Variants in CNKSR3 observed in about 807,000 individuals in gnomAD.
CNKSR3 encodes the protein CNKSR family member 3.
A neutral mutation model predicts 67.7 loss-of-function variants in CNKSR3; 36 were observed. The observed-to-expected ratio is 0.53, with a 90% CI of 0.41 to 0.70. The LOEUF (loss-of-function observed/expected upper bound fraction) is 0.70. CNKSR3 is among the 30% of genes least tolerant of loss of function. The pLI, the probability that CNKSR3 is intolerant of heterozygous loss-of-function variation, is 0.00. For missense variants in CNKSR3, 630 were observed against 695.2 expected, an observed-to-expected ratio of 0.91 and a Z score of 1.05; for synonymous variants, 281 against 271.4, an observed-to-expected ratio of 1.04 and a Z score of -0.35.
At chr6:154,489,145 C>T (rs928765366) in intron 1 of CNKSR3, among the ~76,000 whole-genome samples, 1 of 152,152 alleles carries the variant, frequency 6.6e-6, no homozygotes, top group African/African-American at 2.4e-5. Context: ...ACCCACATGG[C>T]TGCTTCTGGA....
intron 1 of CNKSR3, among the ~76,000 whole-genome samples, chr6:154,464,638 C>T (rs182350792): frequency 2.6e-5 from 4 of 151,496 alleles, no homozygotes; most frequent in South Asian, 4.2e-4. Context: ...ATCGCTTGAA[C>T]CCGAGAGGTG....
In CNKSR3 at chr6:154,411,069, C is replaced by CCAAGAA; in HGVS notation, c.1143_1144insTTCTTG (p.Ser381_Glu382insPheLeu). ...TGGTCCAAGAAGGAATTCGGGGACT[C>CCAAGAA]TGAACCCTTAGGACCAGGCAATGGT... On this transcript the variant is annotated inframe_insertion, in exon 11 of 13. Transcript: ENST00000607772. 6.2e-7 allele frequency: 1 copy of CCAAGAA among 1,614,104 alleles called. No individual in the cohort carries two copies. The highest frequency in any genetic ancestry group is 8.5e-7 in the Non-Finnish European group (1 of 1,179,994).
At chr6:154,413,743 C>T (rs547513232) in intron 10 of CNKSR3, among the ~76,000 whole-genome samples, 10 of 151,932 alleles carry the variant, frequency 6.6e-5, no homozygotes, top group Admixed American at 2.0e-4. Context: ...TAAGGTATTG[C>T]TATATCCTTT....
At chr6:154,503,218 T>C (rs1787033076) in intron 1 of CNKSR3, among the ~76,000 whole-genome samples, 1 of 152,176 alleles carries the variant, frequency 6.6e-6, no homozygotes, top group South Asian at 2.1e-4. Flanking sequence ...AAAGCCCATC[T>C]CATCCTCCTA....
chr6:154,502,080 T>A (rs954580329), intron 1 of CNKSR3, among the ~76,000 whole-genome samples: 16 of 152,168 alleles, frequency 1.1e-4, no homozygotes, highest in African/African-American at 3.4e-4. Flanking sequence ...TGATCATGAA[T>A]AATAAGTGGG....
chr6:154,477,158 C>T (rs1047972524), intron 1 of CNKSR3, among the ~76,000 whole-genome samples: 1 of 151,972 alleles, frequency 6.6e-6, no homozygotes. Flanking sequence ...TATTTCAAAG[C>T]ATTTCAAAAA....
chr6:154,491,191 G>C (rs1339903221), intron 1 of CNKSR3, among the ~76,000 whole-genome samples: 1 of 152,096 alleles, frequency 6.6e-6, no homozygotes, highest in Non-Finnish European at 1.5e-5. Flanking sequence ...GCCTTCTCTT[G>C]TGGCGCCCAT....
chr6:154,422,193 C>A (rs1785159705), intron 9 of CNKSR3, among the ~76,000 whole-genome samples: 1 of 151,996 alleles, frequency 6.6e-6, no homozygotes, highest in Non-Finnish European at 1.5e-5. Flanking sequence ...GGGGTTTCAC[C>A]GTGTTAGCCA....
rs538007696 is a variant in CNKSR3 at position 154,399,616 on chromosome 6, C to G, written c.*6738G>C. The stretch of plus-strand genomic sequence containing the variant: ...CCCAAAAGTCAAAGGCTTCTAAATT[C>G]GCGCTAATTCCTCAAATCCCTCCTC... On this transcript the variant is annotated 3_prime_UTR_variant, in exon 13 of 13. Transcript: ENST00000607772. The G allele has an allele frequency of 6.6e-6, 1 of 151,996 alleles. No individual in the cohort carries two copies. 9.4% of individuals were successfully genotyped at this position (151,996 alleles called of 1,614,324 possible).
intron 1 of CNKSR3, among the ~76,000 whole-genome samples, chr6:154,490,511 G>A (rs1218615507): frequency 6.6e-6 from 1 of 152,114 alleles, no homozygotes; most frequent in Non-Finnish European, 1.5e-5. Context: ...TATGTATAAT[G>A]TATCTATTAT....
intron 7 of CNKSR3, among the ~76,000 whole-genome samples, chr6:154,424,168 T>G (rs1785204774): frequency 6.6e-6 from 1 of 150,432 alleles, no homozygotes; most frequent in Non-Finnish European, 1.5e-5. Flanking sequence ...GGAGCGGAGC[T>G]TGCAGTGAGC....
At chr6:154,461,974 G>A in intron 1 of CNKSR3, among the ~76,000 whole-genome samples, 1 of 152,220 alleles carries the variant, frequency 6.6e-6, no homozygotes, top group Non-Finnish European at 1.5e-5. Flanking sequence ...ATACAAGGAG[G>A]CTGGAAAAGG....
rs1452389695 is a variant in CNKSR3 at position 154,441,285 on chromosome 6, T to C, written c.507+7A>G. On this transcript the variant is annotated splice_region_variant and intron_variant, in intron 4 of 12. Transcript: ENST00000607772. ...AAAAAAGAAAGTGAAAATGACATAC[T>C]ACTGACCTTCTGGACTGTAGTGGTC... 8.6e-7 allele frequency: 1 copy of C among 1,168,216 alleles called. No individual in the cohort carries two copies. The highest frequency in any genetic ancestry group is 1.3e-6 in the Non-Finnish European group (1 of 796,938). 72.4% of individuals were successfully genotyped at this position (1,168,216 alleles called of 1,614,324 possible).
At chr6:154,481,066 G>T (rs1303186649) in intron 1 of CNKSR3, among the ~76,000 whole-genome samples, 4 of 151,530 alleles carry the variant, frequency 2.6e-5, no homozygotes, top group African/African-American at 7.3e-5. Context: ...TATTTTATTT[G>T]ATAGCAGTCT....
chr6:154,485,234 T>C (rs565954462), intron 1 of CNKSR3, among the ~76,000 whole-genome samples: 3 of 152,326 alleles, frequency 2.0e-5, no homozygotes, highest in African/African-American at 7.2e-5. Context: ...CTAGGTATCT[T>C]ACAAATATCT....
chr6:154,407,879 A>AC (rs1784830138), intron 12 of CNKSR3, among the ~76,000 whole-genome samples: 1 of 150,726 alleles, frequency 6.6e-6, no homozygotes, highest in Non-Finnish European at 1.5e-5. Flanking sequence ...TTTGAAAAAA[A>AC]AAAAAAAAAA....
At chr6:154,414,449 C>G (rs775917172) in intron 9 of CNKSR3, 26 bp from the exon 10 acceptor site, 11 of 1,566,380 alleles carry the variant, frequency 7.0e-6, no homozygotes, top group Non-Finnish European at 9.5e-6. Context: ...CACAGCAATG[C>G]AAAGAGTGGA....
At chr6:154,456,417 G>A (rs935293070) in intron 1 of CNKSR3, among the ~76,000 whole-genome samples, 3 of 151,706 alleles carry the variant, frequency 2.0e-5, no homozygotes, top group African/African-American at 7.3e-5. Flanking sequence ...AGTGACATGT[G>A]CCAGGCGCGG....
intron 1 of CNKSR3, among the ~76,000 whole-genome samples, chr6:154,457,852 G>A (rs1434911040): frequency 6.6e-6 from 1 of 152,110 alleles, no homozygotes; most frequent in Non-Finnish European, 1.5e-5. Flanking sequence ...CAAGTCCTTT[G>A]GGACCCGTCC....
Sources: allele counts gnomAD v4.1 joint callset (sites outside exome capture counted in the v4.1 genomes callset), GRCh38; gene constraint gnomAD v4.1.1; transcripts MANE v1.5; gene names NCBI Gene and HGNC (gene_info 2026-07-23, HGNC 2026-07-21).